KATNAL1: variants seen among roughly 807,000 people sequenced by gnomAD.
The protein encoded by KATNAL1 is katanin p60 ATPase-containing subunit A-like 1.
In KATNAL1, 32 loss-of-function variants were observed where a neutral mutation model predicts 55.2. The observed-to-expected ratio is 0.58, with a 90% CI of 0.44 to 0.78. KATNAL1 has a LOEUF of 0.78. Among genes scored for constraint, KATNAL1 ranks in the 30% least tolerant of loss-of-function variants. The probability of loss-of-function intolerance (pLI) is 0.00; values close to 1 mark genes in which losing one functional copy is unlikely to be tolerated. For synonymous variants in KATNAL1, 193 were observed against 193.6 expected (o/e 1.00, Z 0.02); for missense variants, 466 against 600.9 (o/e 0.78, Z 2.35).
intron 4 of KATNAL1, among the ~76,000 whole-genome samples, chr13:30,245,151 C>A (rs1490797304): frequency 1.3e-5 from 2 of 152,104 alleles, no homozygotes; most frequent in Non-Finnish European, 2.9e-5. Context: ...AGCAAAAATT[C>A]TCAATAAAAT....
intron 1 of KATNAL1, among the ~76,000 whole-genome samples, chr13:30,287,507 TA>T (rs1285372315): frequency 6.6e-6 from 1 of 152,214 alleles, no homozygotes; most frequent in African/African-American, 2.4e-5. Context: ...CTTTTCTTTA[TA>T]AATTACCCAG....
intron 6 of KATNAL1, among the ~76,000 whole-genome samples, chr13:30,232,988 G>A (rs1876256135): frequency 6.6e-6 from 1 of 151,994 alleles, no homozygotes. Flanking sequence ...ATCAAAATAG[G>A]TTAAAAACCT....
In KATNAL1 at chr13:30,283,883, T is replaced by TC. The variant is rs1881594092; in HGVS notation, c.-14-93_-14-92insG. ...TAAAATATGTTTAAAACTACTTTTTTTTTTTTTTTTGAAACAGAGACTCAC... is the reference window on the plus strand; with the variant it reads ...TAAAATATGTTTAAAACTACTTTTTTCTTTTTTTTTTGAAACAGAGACTCAC... On this transcript the variant is annotated intron_variant, in intron 1 of 10. Coordinates refer to ENST00000380615, the MANE Select transcript of KATNAL1 (RefSeq NM_032116.5). The TC allele has an allele frequency of 3.3e-6, 3 of 916,640 alleles. No homozygotes were observed. The East Asian group carries it at 8.2e-5, about 25-fold the overall frequency. The allele number at this position is 916,640 out of a possible 1,614,324, so 56.8% of individuals were successfully genotyped here.
intron 7 of KATNAL1, 39 bp from the exon 8 acceptor site, chr13:30,230,633 C>T (rs1435766392): frequency 1.4e-6 from 2 of 1,468,934 alleles, no homozygotes; most frequent in African/African-American, 2.8e-5. Context: ...TCAATAATCT[C>T]ATAAAACAAT....
At position 30,284,645 on chromosome 13, in the gene KATNAL1, T is replaced by C. The variant is rs1463669814; in HGVS notation, c.-14-854A>G. Among the ~76,000 whole-genome samples, 11 of 152,316 alleles carry C rather than the reference T, an allele frequency of 7.2e-5. No individual in the cohort carries two copies. The East Asian group carries it at 2.1e-3, about 29-fold the overall frequency. On this transcript the variant is annotated intron_variant, in intron 1 of 10. Coordinates refer to ENST00000380615, the MANE Select transcript of KATNAL1 (RefSeq NM_032116.5). ...TAAATCTAAGCAAACACCTATAAAT[T>C]ACACTCTCTGAACCCCAATTTGTAA...
At chr13:30,293,417 C>A (rs748188929) in intron 1 of KATNAL1, among the ~76,000 whole-genome samples, 141 of 152,256 alleles carry the variant, frequency 9.3e-4, no homozygotes, top group Non-Finnish European at 1.9e-3. Flanking sequence ...CTTCAAAATA[C>A]AGAACACTTC....
At chr13:30,282,309 C>T (rs986125142) in intron 2 of KATNAL1, among the ~76,000 whole-genome samples, 3 of 151,906 alleles carry the variant, frequency 2.0e-5, no homozygotes, top group African/African-American at 7.3e-5. Context: ...GTCAAAACAA[C>T]ATGTAAATAT....
intron 6 of KATNAL1, among the ~76,000 whole-genome samples, chr13:30,234,627 C>T (rs1334009968): frequency 6.6e-6 from 1 of 152,188 alleles, no homozygotes. Flanking sequence ...TCATCCATAC[C>T]CAGATCATCA....
chr13:30,243,946 T>C (rs552973019), intron 4 of KATNAL1, among the ~76,000 whole-genome samples: 2 of 152,286 alleles, frequency 1.3e-5, no homozygotes, highest in African/African-American at 4.8e-5. Flanking sequence ...TTTTTTAAAT[T>C]ATACTTTAAG....
intron 4 of KATNAL1, among the ~76,000 whole-genome samples, chr13:30,245,735 A>C (rs913044801): frequency 6.6e-6 from 1 of 152,212 alleles, no homozygotes; most frequent in Non-Finnish European, 1.5e-5. Context: ...ACGTGCAAAA[A>C]TCACAAGCAT....
At chr13:30,253,071 T>G (rs1878476986) in intron 4 of KATNAL1, among the ~76,000 whole-genome samples, 1 of 152,192 alleles carries the variant, frequency 6.6e-6, no homozygotes, top group South Asian at 2.1e-4. Flanking sequence ...CAAATGAGCT[T>G]TTAGCAGAAG....
intron 1 of KATNAL1, among the ~76,000 whole-genome samples, chr13:30,298,942 A>G (rs1389352072): frequency 6.6e-6 from 1 of 152,210 alleles, no homozygotes; most frequent in Non-Finnish European, 1.5e-5. Flanking sequence ...CAAAACTAAC[A>G]GAAGACAATA....
intron 8 of KATNAL1, among the ~76,000 whole-genome samples, chr13:30,228,682 A>C (rs1875762056): frequency 2.0e-5 from 3 of 152,386 alleles, no homozygotes; most frequent in Admixed American, 6.5e-5. Context: ...GTAAGTATTC[A>C]GTAAGTATCC....
chr13:30,302,876 A>G (rs1882949832), intron 1 of KATNAL1, among the ~76,000 whole-genome samples: 1 of 152,204 alleles, frequency 6.6e-6, no homozygotes, highest in African/African-American at 2.4e-5. Flanking sequence ...TGTTTGATAA[A>G]TGTCCACAAA....
chr13:30,291,719 G>A (rs191126241), intron 1 of KATNAL1, among the ~76,000 whole-genome samples: 1 of 152,148 alleles, frequency 6.6e-6, no homozygotes, highest in South Asian at 2.1e-4. Flanking sequence ...TCTACTACAT[G>A]ATTTTAAAAT....
At chr13:30,215,803 A>T (rs1874164595) in intron 9 of KATNAL1, among the ~76,000 whole-genome samples, 1 of 152,160 alleles carries the variant, frequency 6.6e-6, no homozygotes, top group South Asian at 2.1e-4. Flanking sequence ...GAGGGATAGC[A>T]TTAGAAGATA....
Position 30,230,526 on chromosome 13 carries a change from G to C in KATNAL1, c.954C>G (p.Thr318=), listed in dbSNP as rs1461879580. 1 of 1,613,250 alleles carries C rather than the reference G, an allele frequency of 6.2e-7. No homozygotes were observed. The highest frequency in any genetic ancestry group is 8.5e-7 in the Non-Finnish European group (1 of 1,179,494). ...TGCGACTTGCCTCATGTTCATCAGA[G>C]GTTCCTCTTCGACTGCAGATAGAAT... is the stretch of plus-strand genomic sequence containing the variant. ...EIDSICSRRG[T]SDEHEASRRV... is the part of the protein sequence containing the mutation. Residue 318 remains threonine (T), a synonymous_variant, in exon 8 of 11, where the codon ACC becomes ACG. Transcript: ENST00000380615.
intron 4 of KATNAL1, among the ~76,000 whole-genome samples, chr13:30,254,631 A>G (rs1376888385): frequency 1.3e-5 from 2 of 152,198 alleles, no homozygotes; most frequent in African/African-American, 2.4e-5. Flanking sequence ...GTTATTAGAT[A>G]TATCTTTATT....
chr13:30,255,721 C>A, intron 3 of KATNAL1, 106 bp from the exon 4 acceptor site: 1 of 1,112,068 alleles, frequency 9.0e-7, no homozygotes. Context: ...TCAAAAAGCC[C>A]GAAAGCTAAT....
Sources: gnomAD v4.1 joint callset for allele counts (sites outside exome capture counted in the v4.1 genomes callset) on GRCh38, gnomAD v4.1.1 for gene constraint, MANE v1.5 for transcripts, NCBI Gene and HGNC (gene_info 2026-07-23, HGNC 2026-07-21) for gene names.